The following MAP2K5 variants were observed in gnomAD, a reference collection of about 807,000 sequenced individuals.
MAP2K5 encodes the protein mitogen-activated protein kinase kinase 5.
MAP2K5 carries 49 observed loss-of-function variants against 83.1 expected under a neutral mutation model. The observed-to-expected ratio is 0.59, with a 90% CI of 0.47 to 0.75. MAP2K5 has a LOEUF of 0.75. MAP2K5 is among the 30% of genes least tolerant of loss of function. The pLI is 0.00. For synonymous variants in MAP2K5, 202 were observed against 191.8 expected, an observed-to-expected ratio of 1.05 and a Z score of -0.44; for missense variants, 457 against 557.5, an observed-to-expected ratio of 0.82 and a Z score of 1.82.
At chr15:67,714,866 G>T (rs1032494073) in intron 16 of MAP2K5, among the ~76,000 whole-genome samples, 1 of 152,028 alleles carries the variant, frequency 6.6e-6, no homozygotes, top group Non-Finnish European at 1.5e-5. Flanking sequence ...TTCAAAATCC[G>T]AAAAAGGCCA....
chr15:67,780,210 T>C lies in MAP2K5; in HGVS notation c.1242+7458T>C, dbSNP rs942048470. Among the ~76,000 whole-genome samples, 1 of 151,406 alleles carries C rather than the reference T, an allele frequency of 6.6e-6. No homozygotes were observed. Among genetic ancestry groups the C allele is most frequent in the Non-Finnish European group, 1.5e-5 (1 of 67,926 alleles). The stretch of plus-strand genomic sequence containing the variant: ...GAGTTACCTCAGAGGTTTAAAAGGC[T>C]AAAGAAAAAAATGCCTGGATCCTAA... On this transcript the variant is annotated intron_variant, in intron 21 of 21. Coordinates refer to ENST00000178640, the MANE Select transcript of MAP2K5 (RefSeq NM_145160.3). This position sits in a 1 kb window ranked among gnomAD's most constrained non-coding sequence, Gnocchi z 5.0.
chr15:67,558,918 A>C (rs764837402), intron 2 of MAP2K5, among the ~76,000 whole-genome samples: 4 of 152,148 alleles, frequency 2.6e-5, no homozygotes, highest in Non-Finnish European at 5.9e-5. Flanking sequence ...CCCACCACAT[A>C]GTGGGTACTT....
chr15:67,773,746 C>T (rs79731767), intron 21 of MAP2K5, among the ~76,000 whole-genome samples: 3 of 152,270 alleles, frequency 2.0e-5, no homozygotes, highest in African/African-American at 7.2e-5. Flanking sequence ...TAAAGATCAC[C>T]CCTAAAAACC....
At chr15:67,589,193 A>G (rs1424240613) in intron 6 of MAP2K5, among the ~76,000 whole-genome samples, 2 of 152,168 alleles carry the variant, frequency 1.3e-5, no homozygotes, top group Admixed American at 6.5e-5. Flanking sequence ...CACCGTGAAC[A>G]TGCAGATGAA....
At chr15:67,599,444 T>C (rs1186682306) in intron 7 of MAP2K5, among the ~76,000 whole-genome samples, 1 of 152,228 alleles carries the variant, frequency 6.6e-6, no homozygotes, top group African/African-American at 2.4e-5. Flanking sequence ...GTTACCTGCA[T>C]TGTACTCCTA....
Position 67,677,039 on chromosome 15 carries a change from T to G in MAP2K5, c.847+12394T>G, listed in dbSNP as rs1208743398. 1.3e-5 allele frequency among the ~76,000 whole-genome samples: 2 copies of G among 152,220 alleles called. No individual in the cohort carries two copies. Among genetic ancestry groups the G allele is most frequent in the African/African-American group, 2.4e-5 (1 of 41,454 alleles). On this transcript the variant is annotated intron_variant, in intron 13 of 21. Coordinates refer to ENST00000178640, the MANE Select transcript of MAP2K5 (RefSeq NM_145160.3). This position sits in a 1 kb window ranked among gnomAD's most constrained non-coding sequence, Gnocchi z 4.2. ...AAGAGGTTAAATGAGAGGGAATAGTTAGAACGTTCCTCACACTTTCCTGTT... is the reference window on the plus strand; with the variant it reads ...AAGAGGTTAAATGAGAGGGAATAGTGAGAACGTTCCTCACACTTTCCTGTT...
intron 1 of MAP2K5, among the ~76,000 whole-genome samples, chr15:67,545,875 T>TA (rs2084379452): frequency 6.6e-6 from 1 of 152,198 alleles, no homozygotes. Flanking sequence ...TTAGTGTTGT[T>TA]ATTATTGATG....
chr15:67,670,040 C>T (rs1490185786), intron 13 of MAP2K5, among the ~76,000 whole-genome samples: 2 of 152,102 alleles, frequency 1.3e-5, no homozygotes, highest in Non-Finnish European at 2.9e-5. Context: ...TGGAAACAAC[C>T]CAAGTGTCTT....
rs936345397 is a variant in MAP2K5 at position 67,559,139 on chromosome 15, A to G, written c.185-4144A>G. Among the ~76,000 whole-genome samples, 1 of 152,246 alleles carries G rather than the reference A, an allele frequency of 6.6e-6. No homozygotes were observed. The highest frequency in any genetic ancestry group is 2.4e-5 in the African/African-American group (1 of 41,468). ...TCCTGTTGATGTCTTTCTAACTTCTATAATTATGTTTTCATTTCTTTTCTC... is the reference window on the plus strand; with the variant it reads ...TCCTGTTGATGTCTTTCTAACTTCTGTAATTATGTTTTCATTTCTTTTCTC... On this transcript the variant is annotated intron_variant, in intron 2 of 21. Coordinates refer to ENST00000178640, the MANE Select transcript of MAP2K5 (RefSeq NM_145160.3). The surrounding 1 kb of genome is among the most constrained non-coding windows in gnomAD (Gnocchi z 4.7).
At chr15:67,592,063 A>T (rs2085424517) in intron 6 of MAP2K5, among the ~76,000 whole-genome samples, 1 of 146,726 alleles carries the variant, frequency 6.8e-6, no homozygotes, top group Non-Finnish European at 1.5e-5. Context: ...GTGAGCCGAG[A>T]TCGCACCATT....
At chr15:67,671,482 A>G (rs986922236) in intron 13 of MAP2K5, among the ~76,000 whole-genome samples, 2 of 152,156 alleles carry the variant, frequency 1.3e-5, no homozygotes, top group African/African-American at 4.8e-5. Flanking sequence ...TGCCTTAGCT[A>G]AGAAAATGTT....
intron 13 of MAP2K5, among the ~76,000 whole-genome samples, chr15:67,683,799 A>C (rs961755926): frequency 2.0e-5 from 3 of 152,174 alleles, no homozygotes; most frequent in African/African-American, 7.2e-5. Flanking sequence ...AGATACTTCT[A>C]CTTCTGCCCA....
At chr15:67,799,225 A>G (rs2090659661) in intron 21 of MAP2K5, among the ~76,000 whole-genome samples, 1 of 152,286 alleles carries the variant, frequency 6.6e-6, no homozygotes, top group Non-Finnish European at 1.5e-5. Context: ...TGTTCTCAGA[A>G]CAAATGCCTT....
Position 67,702,120 on chromosome 15 carries a change from C to T in MAP2K5, c.973-1217C>T, listed in dbSNP as rs2088436259. On this transcript the variant is annotated intron_variant, in intron 15 of 21. Transcript: ENST00000178640. This position sits in a 1 kb window ranked among gnomAD's most constrained non-coding sequence, Gnocchi z 4.6. Reference sequence around the variant, plus strand: ...CTAGTAAGTGGTCATTAAATGATAGCTATTACTATCCTTCTTTTATAGTGG... The same window carrying T: ...CTAGTAAGTGGTCATTAAATGATAGTTATTACTATCCTTCTTTTATAGTGG... Among the ~76,000 whole-genome samples the T allele has an allele frequency of 6.6e-6, 1 of 152,186 alleles. No individual in the cohort carries two copies. Among genetic ancestry groups the T allele is most frequent in the African/African-American group, 2.4e-5 (1 of 41,446 alleles).
chr15:67,622,660 G>C (rs1024470942), intron 8 of MAP2K5, among the ~76,000 whole-genome samples: 13 of 152,000 alleles, frequency 8.6e-5, no homozygotes, highest in Non-Finnish European at 1.5e-4. Flanking sequence ...AGAATAGAAA[G>C]ATGATTAAAA....
Position 67,640,032 on chromosome 15 carries a change from C to T in MAP2K5, c.586-6199C>T, listed in dbSNP as rs78037005. 0.018 allele frequency among the ~76,000 whole-genome samples: 2,812 copies of T among 152,244 alleles called. 95 individuals are homozygous for T. Among genetic ancestry groups the T allele is most frequent in the African/African-American group, 0.064 (2,644 of 41,546 alleles). On this transcript the variant is annotated intron_variant, in intron 9 of 21. Transcript: ENST00000178640. This position sits in a 1 kb window ranked among gnomAD's most constrained non-coding sequence, Gnocchi z 4.6. ...CTTTTAAGGGTGTTATCACCAACTG[C>T]CTTGTATTTTGCTGTTAGTATACCT...
rs138926989 is a variant in MAP2K5, at chr15:67,691,732, G to A, written c.848-747G>A. On this transcript the variant is annotated intron_variant, in intron 13 of 21. Coordinates refer to ENST00000178640, the MANE Select transcript of MAP2K5 (RefSeq NM_145160.3). Reference sequence around the variant, plus strand: ...GAAAAGGCTCATTGTTGTCACTGACGATGCTTCACAGAAATCCTTTGTGTC... The same window carrying A: ...GAAAAGGCTCATTGTTGTCACTGACAATGCTTCACAGAAATCCTTTGTGTC... 6.9e-3 allele frequency among the ~76,000 whole-genome samples: 1,049 copies of A among 152,258 alleles called. 10 individuals carry two copies. The highest frequency in any genetic ancestry group is 0.013 in the Non-Finnish European group (854 of 68,008).
At chr15:67,607,050 G>A (rs996807126) in intron 8 of MAP2K5, among the ~76,000 whole-genome samples, 1 of 152,178 alleles carries the variant, frequency 6.6e-6, no homozygotes, top group Non-Finnish European at 1.5e-5. Context: ...TTTGCATGAT[G>A]TGTATCTTGT....
In MAP2K5 at chr15:67,580,340, T is replaced by C. The variant is rs552566595; in HGVS notation, c.253-414T>C. Among the ~76,000 whole-genome samples, 672 of 152,304 alleles carry C rather than the reference T, an allele frequency of 4.4e-3. 6 individuals are homozygous for C. Among genetic ancestry groups the C allele is most frequent in the African/African-American group, 0.015 (639 of 41,584 alleles). On this transcript the variant is annotated intron_variant, in intron 3 of 21. Transcript: ENST00000178640. ...TTATCTGTGCATTTTATACACAAATTGAATAATGTTTGATTAACTGGCATG... is the reference window on the plus strand; with the variant it reads ...TTATCTGTGCATTTTATACACAAATCGAATAATGTTTGATTAACTGGCATG...
Sources: gnomAD v4.1 joint callset for allele counts (sites outside exome capture counted in the v4.1 genomes callset) on GRCh38, gnomAD v4.1.1 for gene constraint, Gnocchi (gnomAD v3.1) non-coding constraint, MANE v1.5 for transcripts, NCBI Gene and HGNC (gene_info 2026-07-23, HGNC 2026-07-21) for gene names.